Variants in CNTNAP2 observed in about 807,000 individuals in gnomAD.
CNTNAP2 encodes the protein contactin-associated protein-like 2.
A neutral mutation model predicts 155.2 loss-of-function variants in CNTNAP2; 98 were observed. That is an observed-to-expected ratio of 0.63 (90% confidence interval 0.54 to 0.75). The LOEUF (loss-of-function observed/expected upper bound fraction) is 0.75, where lower values mean the gene tolerates loss of function less well. CNTNAP2 is among the 30% of genes least tolerant of loss of function. The pLI, the probability that CNTNAP2 is intolerant of heterozygous loss-of-function variation, is 0.00. For synonymous variants in CNTNAP2, 651 were observed against 631.2 expected, an observed-to-expected ratio of 1.03 and a Z score of -0.47; for missense variants, 1,727 against 1,688.1, an observed-to-expected ratio of 1.02 and a Z score of -0.40.
At chr7:147,117,484 C>A (rs866596979) in intron 5 of CNTNAP2, among the ~76,000 whole-genome samples, 1 of 151,992 alleles carries the variant, frequency 6.6e-6, no homozygotes, top group East Asian at 1.9e-4. Flanking sequence ...TTCCCTAATC[C>A]GTCTCCATGT....
At chr7:147,497,076 GGT>G (rs1798723187) in intron 11 of CNTNAP2, 1 of 151,986 alleles carries the variant, frequency 6.6e-6, no homozygotes, top group African/African-American at 2.4e-5. Flanking sequence ...TGACTTTTGG[GGT>G]ATTCTCTCAT....
chr7:146,710,790 C>A (rs1801053148), intron 1 of CNTNAP2, among the ~76,000 whole-genome samples: 1 of 151,976 alleles, frequency 6.6e-6, no homozygotes, highest in Non-Finnish European at 1.5e-5. Flanking sequence ...AATCAGTCAC[C>A]ATTTGAAAAC....
At chr7:146,226,517 G>A (rs1011469215) in intron 1 of CNTNAP2, among the ~76,000 whole-genome samples, 1 of 152,074 alleles carries the variant, frequency 6.6e-6, no homozygotes, top group Non-Finnish European at 1.5e-5. Flanking sequence ...AAATTGACCA[G>A]GCATGGTGGT....
rs543723869 is a variant in CNTNAP2, at chr7:146,319,912, A to G, written c.97+202939A>G. Reference sequence around the variant, plus strand: ...TGCTACATGAAGGGAGGAAAAGGCGAGTTCATTCTTTTGATTTTACACAGT... The same window carrying G: ...TGCTACATGAAGGGAGGAAAAGGCGGGTTCATTCTTTTGATTTTACACAGT... On this transcript the variant is annotated intron_variant, in intron 1 of 23. Transcript: ENST00000361727. Among the ~76,000 whole-genome samples, 310 of 152,236 alleles carry G rather than the reference A, an allele frequency of 2.0e-3. 2 individuals carry two copies. Among genetic ancestry groups the G allele is most frequent in the African/African-American group, 7.0e-3 (291 of 41,562 alleles).
chr7:147,861,749 C>T (rs970825019), intron 13 of CNTNAP2, among the ~76,000 whole-genome samples: 2 of 152,228 alleles, frequency 1.3e-5, no homozygotes, highest in East Asian at 3.9e-4. Context: ...AGTGTGGTGG[C>T]TCATGGCTGT....
chr7:146,876,680 G>A (rs1275503024), intron 3 of CNTNAP2, among the ~76,000 whole-genome samples: 2 of 152,002 alleles, frequency 1.3e-5, no homozygotes, highest in South Asian at 2.1e-4. Flanking sequence ...TTGCAAAATC[G>A]CCCTCCAGAT....
intron 22 of CNTNAP2, among the ~76,000 whole-genome samples, chr7:148,404,753 C>T (rs2116705562): frequency 6.6e-6 from 1 of 152,288 alleles, no homozygotes; most frequent in South Asian, 2.1e-4. Context: ...AGAATCAGGT[C>T]ACACAGTTTT....
intron 22 of CNTNAP2, among the ~76,000 whole-genome samples, chr7:148,386,937 G>A (rs1447265832): frequency 1.3e-5 from 2 of 152,202 alleles, no homozygotes; most frequent in Admixed American, 6.5e-5. Flanking sequence ...ATTTCTAGAA[G>A]AACAAATGAG....
At chr7:147,236,672 T>A (rs1201941884) in intron 8 of CNTNAP2, among the ~76,000 whole-genome samples, 2 of 152,126 alleles carry the variant, frequency 1.3e-5, no homozygotes, top group Non-Finnish European at 1.5e-5. Flanking sequence ...TATTTTATTC[T>A]GCTCGGAGCT....
chr7:147,248,714 G>A (rs1315656598), intron 8 of CNTNAP2, among the ~76,000 whole-genome samples: 1 of 152,184 alleles, frequency 6.6e-6, no homozygotes, highest in African/African-American at 2.4e-5. Context: ...TGATTATTAG[G>A]CCACTCCAGT....
At chr7:147,805,812 T>C (rs1017375976) in intron 13 of CNTNAP2, among the ~76,000 whole-genome samples, 7 of 152,234 alleles carry the variant, frequency 4.6e-5, no homozygotes, top group Non-Finnish European at 5.9e-5. Flanking sequence ...TAATGTGTTG[T>C]TGCATTTGAT....
intron 19 of CNTNAP2, among the ~76,000 whole-genome samples, chr7:148,229,409 C>T (rs549804609): frequency 2.6e-5 from 4 of 152,206 alleles, no homozygotes; most frequent in South Asian, 2.1e-4. Context: ...CCTGTAATGC[C>T]AGCTACTCAG....
chr7:147,128,585 G>T (rs755406672), intron 6 of CNTNAP2, 108 bp from the exon 7 acceptor site: 1 of 1,210,588 alleles, frequency 8.3e-7, no homozygotes, highest in Non-Finnish European at 1.2e-6. Flanking sequence ...TATAATATTT[G>T]TATATTTTGG....
chr7:146,709,473 C>T (rs1043073446), intron 1 of CNTNAP2, among the ~76,000 whole-genome samples: 37 of 152,112 alleles, frequency 2.4e-4, no homozygotes, highest in Non-Finnish European at 4.7e-4. Flanking sequence ...TTTGGGGAAC[C>T]TTACTTCTGA....
At chr7:148,118,435 G>C in intron 16 of CNTNAP2, 147 bp downstream of exon 16, 2 of 875,958 alleles carry the variant, frequency 2.3e-6, no homozygotes, top group South Asian at 3.0e-5. Flanking sequence ...ACACAAGCCT[G>C]AGTTTGGGCT....
chr7:146,384,171 A>G (rs1170775179), intron 1 of CNTNAP2, among the ~76,000 whole-genome samples: 1 of 152,234 alleles, frequency 6.6e-6, no homozygotes, highest in Non-Finnish European at 1.5e-5. Context: ...AGAAAGTAAA[A>G]GTAAAATAAT....
chr7:147,751,649 A>C (rs762009381), intron 13 of CNTNAP2, among the ~76,000 whole-genome samples: 1 of 152,268 alleles, frequency 6.6e-6, no homozygotes, highest in Non-Finnish European at 1.5e-5. Context: ...TGTGCTACAC[A>C]ATAGCTGAGT....
chr7:148,163,117 A>G (rs1387597777), intron 17 of CNTNAP2, among the ~76,000 whole-genome samples: 1 of 152,252 alleles, frequency 6.6e-6, no homozygotes, highest in Non-Finnish European at 1.5e-5. Flanking sequence ...AGCATATCAG[A>G]CGTAGGAGAA....
At chr7:146,672,223 A>C (rs1207353733) in intron 1 of CNTNAP2, among the ~76,000 whole-genome samples, 3 of 151,722 alleles carry the variant, frequency 2.0e-5, no homozygotes, top group Admixed American at 6.6e-5. Flanking sequence ...GTGACCGTTC[A>C]CTCTTCAGCA....
Sources: allele counts gnomAD v4.1 joint callset (sites outside exome capture counted in the v4.1 genomes callset), GRCh38; gene constraint gnomAD v4.1.1; transcripts MANE v1.5; gene names NCBI Gene and HGNC (gene_info 2026-07-23, HGNC 2026-07-21).